The following CYYR1 variants were observed in gnomAD, a reference collection of about 807,000 sequenced individuals.
CYYR1 encodes the protein cysteine and tyrosine rich 1, also known as cysteine and tyrosine-rich protein 1.
A neutral mutation model predicts 15.2 loss-of-function variants in CYYR1; 14 were observed. The ratio of observed to expected loss-of-function variants is 0.92; its 90% CI spans 0.61 to 1.44. The LOEUF (loss-of-function observed/expected upper bound fraction) is 1.44, where lower values mean the gene tolerates loss of function less well. Among genes scored for constraint, CYYR1 ranks in the 40% most tolerant of loss-of-function variants. The pLI is 0.00. For synonymous variants in CYYR1, 80 were observed against 77.4 expected (o/e 1.03, Z -0.18); for missense variants, 228 against 209.5 (o/e 1.09, Z -0.54).
intron 1 of CYYR1, among the ~76,000 whole-genome samples, chr21:26,570,324 C>T (rs886248248): frequency 3.3e-5 from 5 of 152,138 alleles, no homozygotes; most frequent in African/African-American, 1.2e-4. Context: ...CCCAACTCAC[C>T]CTGCCTCCCA....
At chr21:26,478,946 G>A (rs530982559) in intron 3 of CYYR1, among the ~76,000 whole-genome samples, 1 of 152,144 alleles carries the variant, frequency 6.6e-6, no homozygotes, top group African/African-American at 2.4e-5. Flanking sequence ...AGGGGTTTTG[G>A]GGGAAATCCA....
intron 3 of CYYR1, among the ~76,000 whole-genome samples, chr21:26,479,371 C>T (rs2065143405): frequency 6.6e-6 from 1 of 150,746 alleles, no homozygotes; most frequent in Non-Finnish European, 1.5e-5. Context: ...AGCACAGTTG[C>T]ATGTAGAAGG....
intron 2 of CYYR1, among the ~76,000 whole-genome samples, chr21:26,511,314 G>T (rs537645813): frequency 6.6e-6 from 1 of 152,274 alleles, no homozygotes; most frequent in African/African-American, 2.4e-5. Context: ...TATTAAAGAT[G>T]ATAAACCAGT....
At chr21:26,510,139 G>C (rs921802858) in intron 2 of CYYR1, among the ~76,000 whole-genome samples, 1 of 133,094 alleles carries the variant, frequency 7.5e-6, no homozygotes, top group East Asian at 2.1e-4. Flanking sequence ...ATATCAGAAA[G>C]GTTTGTAAGT....
intron 2 of CYYR1, among the ~76,000 whole-genome samples, chr21:26,531,978 T>C (rs1235160865): frequency 6.6e-6 from 1 of 152,072 alleles, no homozygotes; most frequent in Admixed American, 6.6e-5. Context: ...TGACACAACC[T>C]CTGGCCTGCA....
intron 2 of CYYR1, among the ~76,000 whole-genome samples, chr21:26,515,889 G>A (rs531138117): frequency 6.6e-6 from 1 of 152,248 alleles, no homozygotes; most frequent in African/African-American, 2.4e-5. Context: ...TCCCTCAGAA[G>A]TTTGTTTCCA....
At chr21:26,473,307 C>T (rs1277091784) in intron 3 of CYYR1, among the ~76,000 whole-genome samples, 7 of 152,010 alleles carry the variant, frequency 4.6e-5, no homozygotes, top group African/African-American at 1.7e-4. Context: ...AATAAAGGCC[C>T]ACACAGCTCC....
In CYYR1 at chr21:26,478,241, A is replaced by C. The variant is rs999366229; in HGVS notation, c.334+2031T>G. 4.2e-6 allele frequency: 6 copies of C among 1,413,732 alleles called. No individual in the cohort carries two copies. The African/African-American group carries it at 8.6e-5, about 20-fold the overall frequency. 87.6% of individuals were successfully genotyped at this position (1,413,732 alleles called of 1,614,324 possible). ...CTGGATAAAAAGCAGAGCAGCACAA[A>C]GAGAATTGGGATGCTGTCAGAAGGG... On this transcript the variant is annotated intron_variant, in intron 3 of 3. Coordinates refer to ENST00000652641, the MANE Select transcript of CYYR1 (RefSeq NM_001320768.2).
chr21:26,494,493 A>G (rs219631), intron 2 of CYYR1, among the ~76,000 whole-genome samples: 121,150 of 152,072 alleles, frequency 0.8, 49,277 homozygotes, highest in Non-Finnish European at 0.88. Flanking sequence ...AGTAATTATA[A>G]CTGCATGTAC....
intron 2 of CYYR1, among the ~76,000 whole-genome samples, chr21:26,489,122 A>C: frequency 6.6e-6 from 1 of 152,226 alleles, no homozygotes; most frequent in East Asian, 1.9e-4. Context: ...TATCAGAACC[A>C]GGAAAGCAAG....
At chr21:26,470,061 T>A (rs561681790) in intron 3 of CYYR1, among the ~76,000 whole-genome samples, 10 of 152,272 alleles carry the variant, frequency 6.6e-5, no homozygotes, top group South Asian at 2.1e-4. Flanking sequence ...CTACTGTGAA[T>A]GTAACCCAAA....
intron 2 of CYYR1, among the ~76,000 whole-genome samples, chr21:26,527,272 A>G (rs1316570491): frequency 6.6e-6 from 1 of 152,206 alleles, no homozygotes; most frequent in Non-Finnish European, 1.5e-5. Context: ...TCATCAATAA[A>G]CTAGGGTTTG....
At chr21:26,504,722 C>T (rs770571404) in intron 2 of CYYR1, among the ~76,000 whole-genome samples, 20 of 152,102 alleles carry the variant, frequency 1.3e-4, no homozygotes, top group East Asian at 1.2e-3. Flanking sequence ...CTATAGTCAC[C>T]GTATTGTGCT....
chr21:26,485,863 G>A (rs937229103), intron 2 of CYYR1, among the ~76,000 whole-genome samples: 6 of 152,114 alleles, frequency 3.9e-5, no homozygotes, highest in African/African-American at 9.7e-5. Context: ...GTATGTTTGA[G>A]TTTTAAAGAA....
At chr21:26,489,981 T>C (rs370208196) in intron 2 of CYYR1, among the ~76,000 whole-genome samples, 2 of 152,206 alleles carry the variant, frequency 1.3e-5, no homozygotes, top group African/African-American at 2.4e-5. Context: ...TACCACTAGA[T>C]AGCGACATTC....
At chr21:26,536,749 C>A (rs1978305712) in intron 2 of CYYR1, among the ~76,000 whole-genome samples, 2 of 151,756 alleles carry the variant, frequency 1.3e-5, no homozygotes, top group South Asian at 4.2e-4. Context: ...GGCACCACTG[C>A]ATCACAGTCC....
At chr21:26,522,889 C>G (rs368108039) in intron 2 of CYYR1, among the ~76,000 whole-genome samples, 25 of 152,300 alleles carry the variant, frequency 1.6e-4, no homozygotes, top group African/African-American at 5.8e-4. Flanking sequence ...CTGAGCACAA[C>G]AAACAATAGG....
chr21:26,557,259 A>G (rs1173287217), intron 2 of CYYR1, among the ~76,000 whole-genome samples: 3 of 152,178 alleles, frequency 2.0e-5, no homozygotes, highest in African/African-American at 7.2e-5. Context: ...ACTTTCTTTT[A>G]TAATATCCAA....
At chr21:26,528,554 G>A (rs572077959) in intron 2 of CYYR1, among the ~76,000 whole-genome samples, 3 of 152,236 alleles carry the variant, frequency 2.0e-5, no homozygotes, top group African/African-American at 7.2e-5. Context: ...TGAGGCCCTC[G>A]TCAGAACCGG....
Sources: gnomAD v4.1 joint callset for allele counts (sites outside exome capture counted in the v4.1 genomes callset) on GRCh38, gnomAD v4.1.1 for gene constraint, MANE v1.5 for transcripts, NCBI Gene and HGNC (gene_info 2026-07-23, HGNC 2026-07-21) for gene names.